UNC13C: variants seen among roughly 807,000 people sequenced by gnomAD.
UNC13C encodes unc-13 homolog C, also known as protein unc-13 homolog C.
UNC13C carries 174 observed loss-of-function variants against 245.4 expected under a neutral mutation model. That is an observed-to-expected ratio of 0.71 (90% CI 0.63 to 0.80). The LOEUF (loss-of-function observed/expected upper bound fraction) is 0.80, where lower values mean the gene tolerates loss of function less well. UNC13C is among the 30% of genes least tolerant of loss of function. UNC13C has a pLI of 0.00. For synonymous variants in UNC13C, 992 were observed against 895.1 expected (o/e 1.11, Z -1.93); for missense variants, 2,829 against 2,602.9 (o/e 1.09, Z -1.89).
chr15:54,134,714 G>C (rs908710613), intron 2 of UNC13C, among the ~76,000 whole-genome samples: 1 of 151,952 alleles, frequency 6.6e-6, no homozygotes, highest in Admixed American at 6.6e-5. Flanking sequence ...TAGTAGAGAC[G>C]GGGTTTCACC....
At chr15:54,299,419 C>T (rs2037518552) in intron 12 of UNC13C, among the ~76,000 whole-genome samples, 1 of 152,160 alleles carries the variant, frequency 6.6e-6, no homozygotes, top group African/African-American at 2.4e-5. Context: ...ATCATTTACA[C>T]AGCTAAATTT....
At chr15:54,583,824 C>G (rs963168720) in intron 30 of UNC13C, among the ~76,000 whole-genome samples, 2 of 152,218 alleles carry the variant, frequency 1.3e-5, no homozygotes, top group African/African-American at 4.8e-5. Flanking sequence ...ACACATCACA[C>G]AGCTGCTGAC....
At chr15:54,227,644 A>T (rs1459198192) in intron 4 of UNC13C, among the ~76,000 whole-genome samples, 1 of 152,152 alleles carries the variant, frequency 6.6e-6, no homozygotes, top group African/African-American at 2.4e-5. Flanking sequence ...CCTTGTTCCA[A>T]AAGTGGCCCC....
chr15:54,478,855 C>G (rs1469371256), intron 19 of UNC13C, among the ~76,000 whole-genome samples: 1 of 152,060 alleles, frequency 6.6e-6, no homozygotes, highest in Non-Finnish European at 1.5e-5. Context: ...AGTTCAATTC[C>G]TGAGTATCCT....
chr15:54,088,541 ATTG>A (rs1231964826), intron 2 of UNC13C, among the ~76,000 whole-genome samples: 9 of 152,058 alleles, frequency 5.9e-5, no homozygotes, highest in African/African-American at 2.2e-4. Context: ...CATTATTGTT[ATTG>A]TTGTTGGTAC....
the UNC13C span, among the ~76,000 whole-genome samples, chr15:53,894,080 CT>C: frequency 1.3e-5 from 2 of 152,176 alleles, no homozygotes; most frequent in Non-Finnish European, 2.9e-5. Context: ...CACGACTTCC[CT>C]TGGATAGGGG....
chr15:54,222,750 A>G (rs139829761), intron 4 of UNC13C, among the ~76,000 whole-genome samples: 1 of 152,088 alleles, frequency 6.6e-6, no homozygotes, highest in Non-Finnish European at 1.5e-5. Context: ...CCTTGCCAGC[A>G]TTCATTTTGC....
intron 1 of UNC13C, among the ~76,000 whole-genome samples, chr15:53,997,805 TA>T (rs1295488332): frequency 1.3e-5 from 2 of 152,026 alleles, no homozygotes; most frequent in Non-Finnish European, 2.9e-5. Flanking sequence ...TTTATTTTAT[TA>T]TTATTATTTT....
chr15:54,524,538 C>T (rs1895363902), intron 24 of UNC13C, among the ~76,000 whole-genome samples: 1 of 152,182 alleles, frequency 6.6e-6, no homozygotes, highest in Non-Finnish European at 1.5e-5. Flanking sequence ...AGCTACCCAG[C>T]TGCAGAGATA....
At chr15:54,301,747 A>T (rs1246478272) in intron 13 of UNC13C, among the ~76,000 whole-genome samples, 2 of 152,306 alleles carry the variant, frequency 1.3e-5, no homozygotes, top group African/African-American at 4.8e-5. Context: ...TGTGATAAAC[A>T]TACGTGTGCA....
At chr15:54,551,674 T>C (rs1335826449) in intron 28 of UNC13C, among the ~76,000 whole-genome samples, 1 of 152,082 alleles carries the variant, frequency 6.6e-6, no homozygotes, top group Non-Finnish European at 1.5e-5. Flanking sequence ...AACACTGAAA[T>C]AACATGAAGG....
intron 14 of UNC13C, among the ~76,000 whole-genome samples, chr15:54,329,092 T>A (rs1481727534): frequency 6.6e-6 from 1 of 151,266 alleles, no homozygotes; most frequent in Non-Finnish European, 1.5e-5. Flanking sequence ...TTTTTTTTTT[T>A]TTTTTTTTTG....
chr15:54,531,645 T>C (rs1232147892), intron 25 of UNC13C, among the ~76,000 whole-genome samples: 1 of 151,576 alleles, frequency 6.6e-6, no homozygotes, highest in African/African-American at 2.4e-5. Context: ...AGTGTTTCTT[T>C]TTTTTTTTTT....
intron 1 of UNC13C, among the ~76,000 whole-genome samples, chr15:54,001,150 T>C (rs1310280551): frequency 6.6e-6 from 1 of 152,170 alleles, no homozygotes; most frequent in East Asian, 1.9e-4. Flanking sequence ...AATTTATTAC[T>C]TTTTTCCAAT....
intron 19 of UNC13C, among the ~76,000 whole-genome samples, chr15:54,429,769 C>T (rs2040834202): frequency 6.6e-6 from 1 of 151,488 alleles, no homozygotes; most frequent in Admixed American, 6.6e-5. Flanking sequence ...ACAGCATTGC[C>T]ATTTTGCTAT....
At chr15:53,899,557 A>T in the UNC13C span, among the ~76,000 whole-genome samples, 9 of 152,146 alleles carry the variant, frequency 5.9e-5, no homozygotes, top group African/African-American at 2.2e-4. Context: ...CTGTTCACCA[A>T]AATGAGCGCT....
At chr15:54,423,281 A>G (rs1414735167) in intron 19 of UNC13C, among the ~76,000 whole-genome samples, 2 of 151,932 alleles carry the variant, frequency 1.3e-5, no homozygotes, top group African/African-American at 4.8e-5. Context: ...TTGTAATTTC[A>G]TTTAAAATTA....
the UNC13C span, among the ~76,000 whole-genome samples, chr15:53,921,913 C>G: frequency 6.6e-6 from 1 of 152,124 alleles, no homozygotes; most frequent in African/African-American, 2.4e-5. Flanking sequence ...GTCATGTAAT[C>G]TAAGACTATT....
chr15:54,169,863 G>C (rs2033322432), intron 4 of UNC13C, among the ~76,000 whole-genome samples: 2 of 152,032 alleles, frequency 1.3e-5, no homozygotes, highest in South Asian at 4.1e-4. Flanking sequence ...TCTCAGAGCA[G>C]CTGGTTCTTT....
Sources: gnomAD v4.1 joint callset for allele counts (sites outside exome capture counted in the v4.1 genomes callset) on GRCh38, gnomAD v4.1.1 for gene constraint, MANE v1.5 for transcripts, NCBI Gene and HGNC (gene_info 2026-07-23, HGNC 2026-07-21) for gene names.